The following GPM6B variants were observed in gnomAD, a reference collection of about 807,000 sequenced individuals.
GPM6B encodes the protein glycoprotein M6B.
GPM6B carries 4 observed loss-of-function variants against 27.2 expected under a neutral mutation model. The observed-to-expected ratio is 0.15, with a 90% CI of 0.07 to 0.34. The LOEUF (loss-of-function observed/expected upper bound fraction) is 0.34, where lower values mean the gene tolerates loss of function less well. GPM6B is among the 10% of genes least tolerant of loss of function. The pLI, the probability that GPM6B is intolerant of heterozygous loss-of-function variation, is 1.00. For missense variants in GPM6B, 183 were observed against 261.9 expected (o/e 0.70, Z 2.08); for synonymous variants, 124 against 103.1 (o/e 1.20, Z -1.23).
At chrX:13,808,926 A>C (rs1028692843) in intron 1 of GPM6B, among the ~76,000 whole-genome samples, 2 of 112,352 alleles carry the variant, frequency 1.8e-5, no homozygotes, top group Non-Finnish European at 3.8e-5. Context: ...TTTTGACTTC[A>C]AGGTAAGGTA....
At chrX:13,831,194 A>C (rs1487471695) in intron 1 of GPM6B, among the ~76,000 whole-genome samples, 1 of 106,732 alleles carries the variant, frequency 9.4e-6, no homozygotes, top group Non-Finnish European at 2.0e-5. Flanking sequence ...ACACACACAC[A>C]CACACACACA....
intron 2 of GPM6B, among the ~76,000 whole-genome samples, chrX:13,788,390 T>A (rs1569197811): frequency 9.4e-6 from 1 of 105,906 alleles, no homozygotes; most frequent in South Asian, 4.2e-4. Flanking sequence ...GGAAAGAGAG[T>A]GGAGAGAAGG....
chrX:13,937,298 T>G (rs1199336693), intron 1 of GPM6B, among the ~76,000 whole-genome samples: 1 of 112,204 alleles, frequency 8.9e-6, no homozygotes, highest in Non-Finnish European at 1.9e-5. Flanking sequence ...GAAAATTATT[T>G]GAGCTTCCTT....
intron 7 of GPM6B, chrX:13,774,680 A>G: frequency 1.0e-6 from 1 of 956,435 alleles, no homozygotes; most frequent in Non-Finnish European, 1.5e-6. Flanking sequence ...GGCCGATGCC[A>G]TGACACTTCT....
chrX:13,872,586 AAG>A (rs1205165770), intron 1 of GPM6B, among the ~76,000 whole-genome samples: 1 of 110,779 alleles, frequency 9.0e-6, no homozygotes, highest in African/African-American at 3.3e-5. Flanking sequence ...CTGAGGGTGA[AAG>A]AGAACTGCAG....
chrX:13,933,004 GTAT>G (rs1043824299), intron 1 of GPM6B, among the ~76,000 whole-genome samples: 6 of 103,490 alleles, frequency 5.8e-5, no homozygotes, highest in Non-Finnish European at 9.8e-5. Context: ...TGTGATAAAA[GTAT>G]TATTATTAAA....
intron 6 of GPM6B, among the ~76,000 whole-genome samples, chrX:13,776,660 G>A (rs2048418900): frequency 8.9e-6 from 1 of 112,163 alleles, no homozygotes; most frequent in African/African-American, 3.2e-5. Flanking sequence ...GATAGGGTAG[G>A]AGCTGATTAT....
chrX:13,802,060 T>C (rs1413299900), intron 2 of GPM6B, among the ~76,000 whole-genome samples: 1 of 111,235 alleles, frequency 9.0e-6, no homozygotes, highest in Non-Finnish European at 1.9e-5. Context: ...AGTGGCTGAT[T>C]TCAGCTACTC....
chrX:13,775,094 C>G (rs1282533532), intron 7 of GPM6B, among the ~76,000 whole-genome samples: 4 of 112,347 alleles, frequency 3.6e-5, no homozygotes, highest in African/African-American at 6.5e-5. Context: ...TTACAAGCAG[C>G]TGAGATTTTT....
intron 2 of GPM6B, among the ~76,000 whole-genome samples, chrX:13,788,592 CT>C (rs1369682441): frequency 3.7e-5 from 4 of 109,488 alleles, no homozygotes; most frequent in Non-Finnish European, 5.7e-5. Context: ...AACCCACACC[CT>C]TTTTCATCAT....
At chrX:13,880,257 G>A (rs2050080862) in intron 1 of GPM6B, among the ~76,000 whole-genome samples, 1 of 111,590 alleles carries the variant, frequency 9.0e-6, no homozygotes, top group Non-Finnish European at 1.9e-5. Flanking sequence ...TGTTGTAGAG[G>A]AATCAGCTAT....
chrX:13,797,159 G>A (rs2048831207), intron 2 of GPM6B, among the ~76,000 whole-genome samples: 1 of 112,407 alleles, frequency 8.9e-6, no homozygotes. Context: ...TCCATTCAAT[G>A]AGTGTCTGTC....
intron 1 of GPM6B, among the ~76,000 whole-genome samples, chrX:13,890,169 A>C (rs1285632513): frequency 1.8e-5 from 2 of 111,543 alleles, no homozygotes; most frequent in African/African-American, 3.3e-5. Context: ...GCAGTAAAGA[A>C]GCTGGCTAAA....
At chrX:13,814,091 T>G (rs371618330) in intron 1 of GPM6B, among the ~76,000 whole-genome samples, 7 of 112,375 alleles carry the variant, frequency 6.2e-5, no homozygotes, top group African/African-American at 1.9e-4. Context: ...AGAGCTCTCT[T>G]TGTAGGAGTT....
At chrX:13,851,163 CA>C (rs10652819) in intron 1 of GPM6B, among the ~76,000 whole-genome samples, 15,188 of 59,664 alleles carry the variant, frequency 0.25, 1,246 homozygotes, top group East Asian at 0.47. Flanking sequence ...ACTCCATCTC[CA>C]AAAAAAAAAA....
At chrX:13,904,147 A>G (rs2050307095) in intron 1 of GPM6B, among the ~76,000 whole-genome samples, 1 of 112,253 alleles carries the variant, frequency 8.9e-6, no homozygotes, top group African/African-American at 3.2e-5. Flanking sequence ...AGTTTGAAAT[A>G]CATAATATAT....
At chrX:13,930,507 G>C (rs1285460099) in intron 1 of GPM6B, among the ~76,000 whole-genome samples, 1 of 111,140 alleles carries the variant, frequency 9.0e-6, no homozygotes. Flanking sequence ...CCAGCTACTC[G>C]AGAGACTGAG....
At chrX:13,811,490 A>G in intron 1 of GPM6B, among the ~76,000 whole-genome samples, 1 of 111,898 alleles carries the variant, frequency 8.9e-6, no homozygotes, top group Admixed American at 9.4e-5. Flanking sequence ...TAAAATATTA[A>G]GGAATGCCAT....
At chrX:13,905,047 C>A (rs774199564) in intron 1 of GPM6B, among the ~76,000 whole-genome samples, 7 of 107,701 alleles carry the variant, frequency 6.5e-5, no homozygotes, top group South Asian at 4.2e-4. Flanking sequence ...CCAGCCTGGG[C>A]AACATGGCGA....
Sources: allele counts gnomAD v4.1 joint callset (sites outside exome capture counted in the v4.1 genomes callset), GRCh38; gene constraint gnomAD v4.1.1; transcripts MANE v1.5; gene names NCBI Gene and HGNC (gene_info 2026-07-23, HGNC 2026-07-21).